The following SMARCC1 variants were observed in gnomAD, a reference collection of about 807,000 sequenced individuals.
SMARCC1 encodes the protein SWI/SNF related BAF chromatin remodeling complex subunit C1, also known as SWI/SNF complex subunit SMARCC1.
SMARCC1 carries 43 observed loss-of-function variants against 147.4 expected under a neutral mutation model. The observed-to-expected ratio is 0.29, with a 90% confidence interval of 0.23 to 0.38. The LOEUF (loss-of-function observed/expected upper bound fraction) is 0.38, where lower values mean the gene tolerates loss of function less well. SMARCC1 is among the 10% of genes least tolerant of loss of function. The probability of loss-of-function intolerance (pLI) is 1.00; values close to 1 mark genes in which losing one functional copy is unlikely to be tolerated. For missense variants in SMARCC1, 1,119 were observed against 1,381.1 expected (o/e 0.81, Z 3.01); for synonymous variants, 495 against 484.4 (o/e 1.02, Z -0.29).
chr3:47,670,300 A>T (rs1280144421), intron 19 of SMARCC1: 1 of 237,180 alleles, frequency 4.2e-6, no homozygotes, highest in African/African-American at 2.2e-5. Context: ...TGAGTTTAAA[A>T]TGCTAGTCAC....
intron 18 of SMARCC1, among the ~76,000 whole-genome samples, chr3:47,675,243 T>C (rs1489541425): frequency 6.6e-6 from 1 of 152,250 alleles, no homozygotes; most frequent in Non-Finnish European, 1.5e-5. Flanking sequence ...TATTCATGAT[T>C]CTTTTTACAG....
intron 2 of SMARCC1, among the ~76,000 whole-genome samples, chr3:47,754,197 G>C (rs2034661344): frequency 6.7e-6 from 1 of 148,974 alleles, no homozygotes; most frequent in African/African-American, 2.5e-5. Flanking sequence ...ACAAGCATAT[G>C]AACTTTACTC....
chr3:47,685,048 C>T (rs1417313391), intron 14 of SMARCC1, among the ~76,000 whole-genome samples: 1 of 152,190 alleles, frequency 6.6e-6, no homozygotes, highest in Non-Finnish European at 1.5e-5. Flanking sequence ...GAAACATTCA[C>T]CTTTTCACTT....
chr3:47,601,122 T>C (rs2032378758), intron 26 of SMARCC1, among the ~76,000 whole-genome samples: 1 of 150,832 alleles, frequency 6.6e-6, no homozygotes, highest in South Asian at 2.1e-4. Context: ...TTTTTTCTTT[T>C]CTTTTTTCTT....
chr3:47,608,583 T>C (rs766987135), intron 26 of SMARCC1, among the ~76,000 whole-genome samples: 1 of 152,060 alleles, frequency 6.6e-6, no homozygotes, highest in East Asian at 1.9e-4. Flanking sequence ...GTAGAGCTCA[T>C]GCCTGTAATC....
At chr3:47,719,076 C>A (rs2034198651) in intron 7 of SMARCC1, among the ~76,000 whole-genome samples, 1 of 152,096 alleles carries the variant, frequency 6.6e-6, no homozygotes, top group South Asian at 2.1e-4. Context: ...CCATGCCCGG[C>A]CAATTTTTTT....
intron 7 of SMARCC1, among the ~76,000 whole-genome samples, chr3:47,717,988 GCC>G (rs746794266): frequency 6.6e-6 from 1 of 151,480 alleles, no homozygotes; most frequent in East Asian, 1.9e-4. Context: ...CACCCCCCCT[GCC>G]CCCGCCAACA....
At position 47,762,636 on chromosome 3, in the gene SMARCC1, A is replaced by G. The variant is rs1020298332; in HGVS notation, c.315+10181T>C. Among the ~76,000 whole-genome samples, 6 of 152,362 alleles carry G rather than the reference A, an allele frequency of 3.9e-5. No individual in the cohort carries two copies. The Middle Eastern group carries it at 0.017, about 432-fold the overall frequency. The stretch of plus-strand genomic sequence containing the variant: ...TGAAAATAAATTTAGAAAATGTTGA[A>G]TGAGGCTAGGCACAGTGGCTCACAC... On this transcript the variant is annotated intron_variant, in intron 2 of 27. Transcript: ENST00000254480.
intron 21 of SMARCC1, 77 bp from the exon 22 acceptor site, chr3:47,638,857 T>C: frequency 1.0e-6 from 1 of 986,700 alleles, no homozygotes; most frequent in East Asian, 2.4e-5. Context: ...TGTGAGAGTG[T>C]CTGAAATACA....
intron 12 of SMARCC1, 90 bp from the exon 13 acceptor site, chr3:47,689,514 G>A: frequency 1.9e-6 from 2 of 1,079,694 alleles, no homozygotes; most frequent in Non-Finnish European, 2.9e-6. Context: ...ACTGATACTG[G>A]ACAGAGAAAA....
chr3:47,714,435 T>C lies in SMARCC1; in HGVS notation c.772A>G (p.Ile258Val). 6.3e-7 allele frequency: 1 copy of C among 1,587,160 alleles called. No individual in the cohort carries two copies. The highest frequency in any genetic ancestry group is 8.6e-7 in the Non-Finnish European group (1 of 1,157,234). The stretch of plus-strand genomic sequence containing the variant: ...TTTACCTTCCATGGTTTTTCTGGAA[T>C]TGGTGGATCTTCAATTTCAGCATCA... ...DVDAEIEDPP[I>V]PEKPWKVHVK... Residue 258 changes from isoleucine (I) to valine (V), a missense_variant, in exon 8 of 28, where the codon ATT becomes GTT. Physicochemically the swap from Ile to Val is conservative, Grantham distance 29. Coordinates refer to ENST00000254480, the MANE Select transcript of SMARCC1 (RefSeq NM_003074.4).
chr3:47,635,212 G>C lies in SMARCC1; in HGVS notation c.2624C>G (p.Ala875Gly), dbSNP rs2032952307. The C allele has an allele frequency of 6.2e-7, 1 of 1,613,754 alleles. No individual in the cohort carries two copies. Among genetic ancestry groups the C allele is most frequent in the Non-Finnish European group, 8.5e-7 (1 of 1,179,960 alleles). Residue 875 changes from alanine to glycine, a missense_variant, in exon 24 of 28, where the codon GCC becomes GGC. Coordinates refer to ENST00000254480, the MANE Select transcript of SMARCC1 (RefSeq NM_003074.4). The stretch of plus-strand genomic sequence containing the variant: ...AACCTTGGCTTTGGTAGCCGCTGAG[G>C]CAAGAGCAGCTGCTGCGGCTGTGGC... ...NVATAAAAAL[A>G]SAATKAKHLA... is the part of the protein sequence containing the mutation.
chr3:47,648,123 C>A (rs1423563005), intron 21 of SMARCC1, among the ~76,000 whole-genome samples: 1 of 151,802 alleles, frequency 6.6e-6, no homozygotes, highest in Non-Finnish European at 1.5e-5. Flanking sequence ...GCCTCCCAAA[C>A]AGCTGAGATT....
At chr3:47,611,821 A>C (rs1337043895) in intron 25 of SMARCC1, among the ~76,000 whole-genome samples, 1 of 152,244 alleles carries the variant, frequency 6.6e-6, no homozygotes, top group Non-Finnish European at 1.5e-5. Flanking sequence ...GTGGGAAGAC[A>C]GGCCATGAAC....
chr3:47,633,775 TATATACACACACAC>T (rs1166029874), intron 24 of SMARCC1, among the ~76,000 whole-genome samples: 6 of 18,616 alleles, frequency 3.2e-4, no homozygotes, highest in African/African-American at 5.7e-4. Flanking sequence ...TATATATATA[TATATACACACACAC>T]ACACACACAC....
chr3:47,762,945 A>T (rs558367651), intron 2 of SMARCC1, among the ~76,000 whole-genome samples: 4 of 152,182 alleles, frequency 2.6e-5, no homozygotes, highest in Admixed American at 2.6e-4. Flanking sequence ...AGGCACCTGT[A>T]GTCCCAGCTA....
intron 21 of SMARCC1, among the ~76,000 whole-genome samples, chr3:47,659,908 G>A (rs1185534952): frequency 6.6e-6 from 1 of 151,960 alleles, no homozygotes; most frequent in Non-Finnish European, 1.5e-5. Flanking sequence ...GGTAAAAATG[G>A]AAAATAAGTA....
intron 1 of SMARCC1, among the ~76,000 whole-genome samples, chr3:47,773,205 G>A (rs568854797): frequency 2.6e-5 from 4 of 151,892 alleles, no homozygotes; most frequent in East Asian, 1.9e-4. Flanking sequence ...TCGGCTCACT[G>A]CAACCTCTGC....
At chr3:47,666,074 T>A (rs1197416431) in intron 19 of SMARCC1, among the ~76,000 whole-genome samples, 1 of 152,220 alleles carries the variant, frequency 6.6e-6, no homozygotes, top group Non-Finnish European at 1.5e-5. Context: ...CATTATCTTA[T>A]GAAATTAAGC....
Sources: gnomAD v4.1 joint callset for allele counts (sites outside exome capture counted in the v4.1 genomes callset) on GRCh38, gnomAD v4.1.1 for gene constraint, MANE v1.5 for transcripts, NCBI Gene and HGNC (gene_info 2026-07-23, HGNC 2026-07-21) for gene names.